Variants in DUSP18 observed in about 807,000 individuals in gnomAD.
DUSP18 encodes dual specificity phosphatase 18.
DUSP18 carries 4 observed loss-of-function variants against 6.3 expected under a neutral mutation model. The observed-to-expected ratio is 0.63, with a 90% CI of 0.31 to 1.45. The LOEUF (loss-of-function observed/expected upper bound fraction) is 1.45. Among genes scored for constraint, DUSP18 ranks in the 40% most tolerant of loss-of-function variants. The pLI, the probability that DUSP18 is intolerant of heterozygous loss-of-function variation, is 0.07. For synonymous variants in DUSP18, 96 were observed against 95.1 expected, an observed-to-expected ratio of 1.01 and a Z score of -0.05; for missense variants, 235 against 247.7, an observed-to-expected ratio of 0.95 and a Z score of 0.34.
At chr22:30,659,708 T>G (rs1322909687), downstream of DUSP18, among the ~76,000 whole-genome samples, 1 of 152,208 alleles carries the variant, frequency 6.6e-6, no homozygotes, top group Non-Finnish European at 1.5e-5. Context: ...AAATGATGTT[T>G]CTGACCTATT....
Position 30,664,086 on chromosome 22 carries a change from G to C in DUSP18, c.-77-6C>G, listed in dbSNP as rs2088569705. 7.5e-7 allele frequency: 1 copy of C among 1,340,768 alleles called. No homozygotes were observed. Among genetic ancestry groups the C allele is most frequent in the African/African-American group, 1.5e-5 (1 of 68,626 alleles). 83.1% of individuals were successfully genotyped at this position (1,340,768 alleles called of 1,614,324 possible). ...TAGGCTGTGTCCATGGAAAACTGCA[G>C]AGAGGGAGAGGATGTTTAGAGGGCA... On this transcript the variant is annotated splice_polypyrimidine_tract_variant and splice_region_variant and intron_variant, in intron 1 of 1. Transcript: ENST00000334679.
chr22:30,656,568 C>G (rs1340537644), downstream of DUSP18, among the ~76,000 whole-genome samples: 1 of 152,200 alleles, frequency 6.6e-6, no homozygotes, highest in East Asian at 1.9e-4. Context: ...AATCCCTGTT[C>G]TAAGCCAGGC....
chr22:30,659,077 T>C (rs1225216244), downstream of DUSP18, among the ~76,000 whole-genome samples: 1 of 145,174 alleles, frequency 6.9e-6, no homozygotes, highest in Non-Finnish European at 1.5e-5. Flanking sequence ...TGAGCTGGGA[T>C]TGCGCCATTG....
intron 2 of DUSP18, among the ~76,000 whole-genome samples, chr22:30,652,996 A>G (rs1180688745): frequency 6.6e-6 from 1 of 152,226 alleles, no homozygotes. Flanking sequence ...ACGTGAGGAC[A>G]TAACCTGGAG....
intron 1 of DUSP18, among the ~76,000 whole-genome samples, chr22:30,664,730 A>T (rs2088588475): frequency 6.6e-6 from 1 of 152,270 alleles, no homozygotes; most frequent in African/African-American, 2.4e-5. Context: ...GTCAAATACA[A>T]AGTCCTAAAT....
chr22:30,655,007 T>C (rs1360439233), intron 2 of DUSP18, among the ~76,000 whole-genome samples: 4 of 152,132 alleles, frequency 2.6e-5, no homozygotes, highest in African/African-American at 7.2e-5. Flanking sequence ...AAGACGACCT[T>C]GTGCAGAGGG....
intron 2 of DUSP18, among the ~76,000 whole-genome samples, chr22:30,652,816 A>G (rs2078975): frequency 0.89 from 135,620 of 152,272 alleles, 60,425 homozygotes; most frequent in East Asian, 1. Context: ...TGATCTCAAA[A>G]GTCACACTCT....
At chr22:30,659,046 C>G (rs1009142915), downstream of DUSP18, among the ~76,000 whole-genome samples, 4 of 148,772 alleles carry the variant, frequency 2.7e-5, no homozygotes, top group Admixed American at 2.7e-4. Flanking sequence ...ATGGCGTGAA[C>G]CTGGGAGGCG....
chr22:30,661,345 G>A (rs185724425), downstream of DUSP18: 1 of 152,122 alleles, frequency 6.6e-6, no homozygotes, highest in East Asian at 1.9e-4. Context: ...TTAGAGTTGG[G>A]ATGCTCAAGT....
At chr22:30,659,380 C>CT (rs2088414464), downstream of DUSP18, among the ~76,000 whole-genome samples, 1 of 151,994 alleles carries the variant, frequency 6.6e-6, no homozygotes, top group African/African-American at 2.4e-5. Context: ...CTTTTTTTCT[C>CT]TCTTTTTTTT....
rs200339726 is a variant in DUSP18 at position 30,663,901 on chromosome 22, C to T, written c.103G>A (p.Ala35Thr). 102 of 1,614,164 alleles carry T rather than the reference C, an allele frequency of 6.3e-5. No homozygotes were observed. In the East Asian group the frequency reaches 1.8e-3, roughly 28 times the overall value. ...KSLYISNGVA[A>T]NNKLMLSSNQ... Reference sequence around the variant, plus strand: ...CTAGACAGCATGAGCTTGTTGTTGGCGGCCACACCATTGCTGATATACAGG... The same window carrying T: ...CTAGACAGCATGAGCTTGTTGTTGGTGGCCACACCATTGCTGATATACAGG... Residue 35 changes from alanine to threonine, a missense_variant, in exon 2 of 2, where the codon GCC becomes ACC. By Grantham distance (58) the Ala-to-Thr change is moderately conservative. Coordinates refer to ENST00000334679, the MANE Select transcript of DUSP18 (RefSeq NM_152511.5).
chr22:30,656,050 G>A (rs1356858913), intron 2 of DUSP18, among the ~76,000 whole-genome samples: 1 of 151,936 alleles, frequency 6.6e-6, no homozygotes, highest in Non-Finnish European at 1.5e-5. Context: ...ATAGTTGACT[G>A]CAGCCTCAAC....
downstream of DUSP18, among the ~76,000 whole-genome samples, chr22:30,658,445 CTG>C (rs1366694121): frequency 6.6e-6 from 1 of 151,662 alleles, no homozygotes; most frequent in South Asian, 2.1e-4. Context: ...ACCTAAAACT[CTG>C]ACAAAGCGGA....
At chr22:30,661,100 C>T (rs2088451751), downstream of DUSP18, among the ~76,000 whole-genome samples, 1 of 152,094 alleles carries the variant, frequency 6.6e-6, no homozygotes, top group Non-Finnish European at 1.5e-5. Flanking sequence ...CTCGGCCTCC[C>T]AAAGTGTTGG....
At chr22:30,655,429 C>CAAAAAAAAAAAAA (rs5844917) in intron 2 of DUSP18, among the ~76,000 whole-genome samples, 5 of 111,656 alleles carry the variant, frequency 4.5e-5, no homozygotes, top group African/African-American at 1.1e-4. Context: ...GAGATCCTAC[C>CAAAAAAAAAAAAA]AAAAAAAAAA....
chr22:30,663,953 G>A lies in DUSP18; in HGVS notation c.51C>T (p.Val17=). Residue 17 remains valine (V), a synonymous_variant, in exon 2 of 2, where the codon GTC becomes GTT. Transcript: ENST00000334679. ...TTTTGGTTATCTGCGAGAGGCCGCT[G>A]ACTGAGGGCTGCCGGAACTGAACTG... ...AFPVQFRQPS[V]SGLSQITKSL... The A allele has an allele frequency of 1.2e-6, 2 of 1,614,184 alleles. No homozygotes were observed. The highest frequency in any genetic ancestry group is 2.7e-5 in the African/African-American group (2 of 75,058).
At chr22:30,659,146 A>G (rs946634868), downstream of DUSP18, among the ~76,000 whole-genome samples, 1 of 146,080 alleles carries the variant, frequency 6.8e-6, no homozygotes, top group African/African-American at 2.6e-5. Flanking sequence ...AAAAAAAAAA[A>G]GAAGAAACTG....
intron 2 of DUSP18, among the ~76,000 whole-genome samples, chr22:30,655,429 CAAAAAAA>C (rs5844917): frequency 7.2e-5 from 8 of 111,650 alleles, no homozygotes; most frequent in South Asian, 2.8e-4. Context: ...GAGATCCTAC[CAAAAAAA>C]AAAAAAAAAA....
chr22:30,663,758 G>A lies in DUSP18; in HGVS notation c.246C>T (p.Phe82=). 1 of 1,614,232 alleles carries A rather than the reference G, an allele frequency of 6.2e-7. No individual in the cohort carries two copies. Among genetic ancestry groups the A allele is most frequent in the Non-Finnish European group, 8.5e-7 (1 of 1,180,042 alleles). ...GGATATGGTCAGCAATAGGGTCAAA[G>A]AAGTCACAGAGACGTGAGTTAGGGG... is the stretch of plus-strand genomic sequence containing the variant. ...ADSPNSRLCD[F]FDPIADHIHS... is the part of the protein sequence containing the mutation. The change falls in exon 2 of 2, where the codon TTC becomes TTT. Residue 82 remains phenylalanine (F), a synonymous_variant. Coordinates refer to ENST00000334679, the MANE Select transcript of DUSP18 (RefSeq NM_152511.5).
Sources: allele counts gnomAD v4.1 joint callset (sites outside exome capture counted in the v4.1 genomes callset), GRCh38; gene constraint gnomAD v4.1.1; transcripts MANE v1.5; gene names NCBI Gene and HGNC (gene_info 2026-07-23, HGNC 2026-07-21).